Variants in KDM4C observed in about 807,000 individuals in gnomAD.
The protein encoded by KDM4C is lysine-specific demethylase 4C.
In KDM4C, 81 loss-of-function variants were observed where a neutral mutation model predicts 129.3. The ratio of observed to expected loss-of-function variants is 0.63; its 90% CI spans 0.52 to 0.75. The LOEUF (loss-of-function observed/expected upper bound fraction) is 0.75. Ranked by LOEUF, KDM4C falls within the 30% of genes least tolerant of loss-of-function variation. The pLI, the probability that KDM4C is intolerant of heterozygous loss-of-function variation, is 0.00. For synonymous variants in KDM4C, 573 were observed against 456.1 expected, an observed-to-expected ratio of 1.26 and a Z score of -3.26; for missense variants, 1,457 against 1,304.0, an observed-to-expected ratio of 1.12 and a Z score of -1.81.
Position 6,986,683 on chromosome 9 carries a change from A to C in KDM4C, c.1677+17A>C, listed in dbSNP as rs908978651. 1.3e-6 allele frequency: 2 copies of C among 1,549,240 alleles called. No individual in the cohort carries two copies. The highest frequency in any genetic ancestry group is 1.8e-6 in the Non-Finnish European group (2 of 1,139,418). ...GTCCCCAGTGTATGTGGCAATATCC[A>C]TTTTTTACCATATTCATTATATGGT... On this transcript the variant is annotated intron_variant, in intron 11 of 21. Coordinates refer to ENST00000381309, the MANE Select transcript of KDM4C (RefSeq NM_015061.6).
intron 6 of KDM4C, among the ~76,000 whole-genome samples, chr9:6,883,435 C>G (rs777868740): frequency 6.6e-6 from 1 of 152,180 alleles, no homozygotes; most frequent in Non-Finnish European, 1.5e-5. Flanking sequence ...TTATTTTCGT[C>G]TATCAGCTGG....
chr9:6,986,347 A>T lies in KDM4C; in HGVS notation c.1358A>T (p.Asn453Ile). The T allele has an allele frequency of 1.9e-6, 3 of 1,604,384 alleles. No homozygotes were observed. Among genetic ancestry groups the T allele is most frequent in the Non-Finnish European group, 2.6e-6 (3 of 1,172,738 alleles). Reference sequence around the variant, plus strand: ...CAGTCTTCTGTTTTATCCTCAGGAAACAGCTGCTTAAGTACATCTGTAACA... The same window carrying T: ...CAGTCTTCTGTTTTATCCTCAGGAATCAGCTGCTTAAGTACATCTGTAACA... ...NLSDHIKLSGNSCLSTSVTED... is the reference protein window; with the variant it reads ...NLSDHIKLSGISCLSTSVTED... The change falls in exon 11 of 22, where the codon AAC (asparagine) becomes ATC (isoleucine). Residue 453 changes from asparagine (N) to isoleucine (I), a missense_variant. Asn to Ile is a moderately radical substitution (Grantham distance 149). Transcript: ENST00000381309.
chr9:7,009,504 C>A (rs1169491581), intron 12 of KDM4C, among the ~76,000 whole-genome samples: 2 of 151,880 alleles, frequency 1.3e-5, no homozygotes, highest in Non-Finnish European at 2.9e-5. Flanking sequence ...TTCCCCCCAT[C>A]AAAGGTGTTA....
intron 1 of KDM4C, among the ~76,000 whole-genome samples, chr9:6,743,963 T>G (rs702280): frequency 0.48 from 72,918 of 151,068 alleles, 18,153 homozygotes; most frequent in East Asian, 0.6. Flanking sequence ...ACCCAGGCTG[T>G]TCTCAAACTC....
At chr9:6,761,072 C>G (rs552873252) in intron 1 of KDM4C, among the ~76,000 whole-genome samples, 1 of 149,190 alleles carries the variant, frequency 6.7e-6, no homozygotes, top group Non-Finnish European at 1.5e-5. Context: ...GCCAATGGCG[C>G]GATCTCGGCT....
intron 17 of KDM4C, among the ~76,000 whole-genome samples, chr9:7,069,819 A>T (rs972429976): frequency 2.0e-5 from 3 of 152,206 alleles, no homozygotes; most frequent in Non-Finnish European, 4.4e-5. Flanking sequence ...GACATGTGAA[A>T]ATAAAGTGTG....
intron 15 of KDM4C, among the ~76,000 whole-genome samples, chr9:7,027,432 C>G (rs189169804): frequency 6.6e-6 from 1 of 152,198 alleles, no homozygotes; most frequent in Non-Finnish European, 1.5e-5. Flanking sequence ...TTCTTCCAAA[C>G]AAAGGGAGTC....
chr9:6,752,444 C>T (rs1252143763), intron 1 of KDM4C, among the ~76,000 whole-genome samples: 1 of 125,520 alleles, frequency 8.0e-6, no homozygotes, highest in Non-Finnish European at 1.6e-5. Context: ...GAGTTTCGCT[C>T]TTGTTGCCCA....
intron 17 of KDM4C, chr9:7,077,060 T>G (rs538201661): frequency 1.0e-6 from 1 of 985,412 alleles, no homozygotes; most frequent in Non-Finnish European, 1.2e-6. Flanking sequence ...ATTTTGAGTT[T>G]AGGTGAAAAC....
chr9:7,091,195 C>G (rs1835757436), intron 17 of KDM4C, among the ~76,000 whole-genome samples: 1 of 152,042 alleles, frequency 6.6e-6, no homozygotes, highest in African/African-American at 2.4e-5. Context: ...TGGAAACTTT[C>G]TTTTGTCACT....
intron 19 of KDM4C, among the ~76,000 whole-genome samples, chr9:7,162,185 T>C (rs569783358): frequency 2.6e-5 from 4 of 152,354 alleles, no homozygotes; most frequent in African/African-American, 7.2e-5. Context: ...GAATAACTTA[T>C]CTTGTTACAT....
intron 8 of KDM4C, among the ~76,000 whole-genome samples, chr9:6,928,554 A>C (rs999928055): frequency 4.0e-5 from 6 of 151,032 alleles, no homozygotes; most frequent in African/African-American, 1.5e-4. Context: ...TATCACTTCA[A>C]ATGTTACGTC....
chr9:6,814,773 T>A (rs752777602), intron 4 of KDM4C, 28 bp downstream of exon 4: 2 of 1,377,712 alleles, frequency 1.5e-6, no homozygotes, highest in African/African-American at 2.9e-5. Context: ...GTGAGTTTTG[T>A]AAAGATCATT....
intron 3 of KDM4C, among the ~76,000 whole-genome samples, chr9:6,811,795 C>T (rs533477251): frequency 1.3e-5 from 2 of 152,192 alleles, no homozygotes; most frequent in South Asian, 4.2e-4. Context: ...TGAGTTTAAA[C>T]ATGTGTAGCC....
At chr9:6,813,021 C>G (rs1352011028) in intron 3 of KDM4C, among the ~76,000 whole-genome samples, 1 of 151,984 alleles carries the variant, frequency 6.6e-6, no homozygotes, top group Non-Finnish European at 1.5e-5. Context: ...ACTAAAAATA[C>G]AAAATTAGCC....
chr9:6,986,739 C>A, intron 11 of KDM4C, 73 bp downstream of exon 11: 1 of 1,045,040 alleles, frequency 9.6e-7, no homozygotes, highest in Non-Finnish European at 1.4e-6. Context: ...ACATGCTGTG[C>A]ACTGAAATCC....
chr9:6,884,383 A>G (rs1404261072), intron 6 of KDM4C, among the ~76,000 whole-genome samples: 2 of 152,328 alleles, frequency 1.3e-5, no homozygotes, highest in East Asian at 1.9e-4. Flanking sequence ...AAGAAATTTC[A>G]TGTGTAAATC....
chr9:6,742,904 A>G (rs555267923), intron 1 of KDM4C, among the ~76,000 whole-genome samples: 8 of 152,062 alleles, frequency 5.3e-5, no homozygotes, highest in Non-Finnish European at 7.4e-5. Flanking sequence ...GGGTCTCACC[A>G]GGAGGCTGAG....
At chr9:6,734,200 C>T (rs1381289824) in intron 1 of KDM4C, among the ~76,000 whole-genome samples, 1 of 151,872 alleles carries the variant, frequency 6.6e-6, no homozygotes, top group East Asian at 1.9e-4. Context: ...GCAGCTGTCC[C>T]CAGAAAGAGA....
Sources: gnomAD v4.1 joint callset for allele counts (sites outside exome capture counted in the v4.1 genomes callset) on GRCh38, gnomAD v4.1.1 for gene constraint, MANE v1.5 for transcripts, NCBI Gene and HGNC (gene_info 2026-07-23, HGNC 2026-07-21) for gene names.